The following MCEE variants were observed in gnomAD, a reference collection of about 807,000 sequenced individuals.
The protein encoded by MCEE is methylmalonyl-CoA epimerase.
In MCEE, 6 loss-of-function variants were observed where a neutral mutation model predicts 12.9. The observed-to-expected ratio is 0.47, with a 90% CI of 0.26 to 0.92. MCEE has a LOEUF of 0.92. MCEE is among the 40% of genes least tolerant of loss of function. The pLI, the probability that MCEE is intolerant of heterozygous loss-of-function variation, is 0.16. For synonymous variants in MCEE, 78 were observed against 77.9 expected, an observed-to-expected ratio of 1.00 and a Z score of -0.01; for missense variants, 214 against 212.1, an observed-to-expected ratio of 1.01 and a Z score of -0.05.
chr2:71,123,387 A>G (rs1238788659), intron 2 of MCEE, among the ~76,000 whole-genome samples: 4 of 151,662 alleles, frequency 2.6e-5, no homozygotes, highest in Non-Finnish European at 4.4e-5. Context: ...GCTACCTGGT[A>G]GGCTGAGGCA....
intron 2 of MCEE, among the ~76,000 whole-genome samples, chr2:71,114,843 T>C (rs1672958984): frequency 6.6e-6 from 1 of 152,182 alleles, no homozygotes; most frequent in Non-Finnish European, 1.5e-5. Flanking sequence ...TTGAAAACTG[T>C]TGAACCTGGG....
chr2:71,128,302 C>T (rs1673282028), intron 1 of MCEE, among the ~76,000 whole-genome samples: 1 of 152,036 alleles, frequency 6.6e-6, no homozygotes, highest in African/African-American at 2.4e-5. Flanking sequence ...TTTTATGTTC[C>T]TTAAAAGAGG....
chr2:71,124,305 A>G lies in MCEE; in HGVS notation c.279T>C (p.Asn93=). 6.2e-7 allele frequency: 1 copy of G among 1,614,180 alleles called. No homozygotes were observed. The highest frequency in any genetic ancestry group is 8.5e-7 in the Non-Finnish European group (1 of 1,180,006). Reference sequence around the variant, plus strand: ...ATGGATGAAGCAGTTCCATCTTGGTATTTCCCAGGTTGACAAAAACAACAG... The same window carrying G: ...ATGGATGAAGCAGTTCCATCTTGGTGTTTCCCAGGTTGACAAAAACAACAG... ...GVSVVFVNLG[N]TKMELLHPLG... Residue 93 remains asparagine, a synonymous_variant, in exon 2 of 3, where the codon AAT becomes AAC. Transcript: ENST00000244217.
chr2:71,124,420 A>G lies in MCEE; in HGVS notation c.164T>C (p.Val55Ala), dbSNP rs374147386. The G allele has an allele frequency of 8.1e-5, 130 of 1,614,070 alleles. No individual in the cohort carries two copies. The highest frequency in any genetic ancestry group is 1.8e-5 in the Non-Finnish European group (21 of 1,180,040). ...TGCTGCAGCCTTTTCCAAATCTGGC[A>G]CTGCTATGGCTACATGGTTGAGTCG... ...LGRLNHVAIAVPDLEKAAAFY... is the reference protein window; with the variant it reads ...LGRLNHVAIAAPDLEKAAAFY... The change falls in exon 2 of 3, where the codon GTG becomes GCG. Residue 55 changes from valine (V) to alanine (A), a missense_variant. Coordinates refer to ENST00000244217, the MANE Select transcript of MCEE (RefSeq NM_032601.4).
At chr2:71,126,484 C>T (rs1199668486) in intron 1 of MCEE, among the ~76,000 whole-genome samples, 1 of 149,544 alleles carries the variant, frequency 6.7e-6, no homozygotes, top group Non-Finnish European at 1.5e-5. Flanking sequence ...CCTCGGCCTC[C>T]CAAAGTGCCG....
chr2:71,125,212 T>TATATATATATATATA (rs1553440375), intron 1 of MCEE, among the ~76,000 whole-genome samples: 14 of 33,592 alleles, frequency 4.2e-4, no homozygotes, highest in South Asian at 1.1e-3. Flanking sequence ...TATATATATA[T>TATATATATATATATA]TTTTTTTTTT....
chr2:71,118,078 C>T (rs566036990), intron 2 of MCEE, among the ~76,000 whole-genome samples: 5 of 150,200 alleles, frequency 3.3e-5, no homozygotes, highest in Admixed American at 6.6e-5. Context: ...ACATCCCGCC[C>T]GGAAGCGTCC....
At chr2:71,121,524 A>G (rs958745888) in intron 2 of MCEE, among the ~76,000 whole-genome samples, 31 of 152,122 alleles carry the variant, frequency 2.0e-4, no homozygotes, top group Non-Finnish European at 4.6e-4. Context: ...CCTCTTACCT[A>G]CCTTCATTTT....
At chr2:71,112,290 C>T (rs929767050) in intron 2 of MCEE, among the ~76,000 whole-genome samples, 6 of 151,984 alleles carry the variant, frequency 3.9e-5, no homozygotes, top group Admixed American at 6.6e-5. Flanking sequence ...GCACACGCCA[C>T]CATGCCCAGC....
Position 71,109,876 on chromosome 2 carries a change from A to G in MCEE, c.*94T>C, listed in dbSNP as rs1184075318. ...GTCTTTAACTGTGAACTTTTACATG[A>G]TGGAAGCAGTGAAGGACTCAATGTC... On this transcript the variant is annotated 3_prime_UTR_variant, in exon 3 of 3. Transcript: ENST00000244217. 16 of 1,212,714 alleles carry G rather than the reference A, an allele frequency of 1.3e-5. No homozygotes were observed. Among genetic ancestry groups the G allele is most frequent in the Non-Finnish European group, 1.9e-5 (16 of 833,792 alleles). The allele number at this position is 1,212,714 out of a possible 1,614,324, so 75.1% of individuals were successfully genotyped here.
intron 2 of MCEE, among the ~76,000 whole-genome samples, chr2:71,120,545 G>T (rs2103630797): frequency 6.6e-6 from 1 of 150,442 alleles, no homozygotes; most frequent in Middle Eastern, 3.4e-3. Flanking sequence ...ACAGAAAAAT[G>T]CTAATTAACT....
chr2:71,116,309 T>C (rs1672991754), intron 2 of MCEE, among the ~76,000 whole-genome samples: 1 of 150,220 alleles, frequency 6.7e-6, no homozygotes, highest in Non-Finnish European at 1.5e-5. Context: ...CCTGACCTCG[T>C]GATCCACCCG....
chr2:71,113,795 G>T (rs6546675), intron 2 of MCEE, among the ~76,000 whole-genome samples: 4 of 152,008 alleles, frequency 2.6e-5, no homozygotes, highest in South Asian at 4.1e-4. Context: ...ATAGTATGGA[G>T]GAGAAAAAAA....
Position 71,124,431 on chromosome 2 carries a change from T to A in MCEE, c.153A>T (p.Val51=). ...TTTCCAAATCTGGCACTGCTATGGCTACATGGTTGAGTCGACCCAGGTTCC... is the reference window on the plus strand; with the variant it reads ...TTTCCAAATCTGGCACTGCTATGGCAACATGGTTGAGTCGACCCAGGTTCC... ...SVWNLGRLNH[V]AIAVPDLEKA... The change falls in exon 2 of 3, where the codon GTA becomes GTT. Residue 51 remains valine (V), a synonymous_variant. Coordinates refer to ENST00000244217, the MANE Select transcript of MCEE (RefSeq NM_032601.4). 1 of 1,614,190 alleles carries A rather than the reference T, an allele frequency of 6.2e-7. No individual in the cohort carries two copies. The highest frequency in any genetic ancestry group is 8.5e-7 in the Non-Finnish European group (1 of 1,180,024).
At chr2:71,115,927 C>A (rs1237251133) in intron 2 of MCEE, among the ~76,000 whole-genome samples, 1 of 148,838 alleles carries the variant, frequency 6.7e-6, no homozygotes, top group East Asian at 1.9e-4. Flanking sequence ...CAAACCTGCA[C>A]GTTCTGCACA....
intron 2 of MCEE, among the ~76,000 whole-genome samples, chr2:71,114,492 ATGTAT>A (rs1417898477): frequency 6.6e-6 from 1 of 152,240 alleles, no homozygotes; most frequent in Non-Finnish European, 1.5e-5. Flanking sequence ...ATTGTGATAA[ATGTAT>A]CAAACTATTA....
intron 2 of MCEE, chr2:71,110,974 C>T (rs1012601835): frequency 1.3e-5 from 2 of 152,062 alleles, no homozygotes; most frequent in African/African-American, 4.8e-5. Flanking sequence ...AGCACAGAGA[C>T]TAGTTTAACA....
chr2:71,113,113 G>A (rs1202793378), intron 2 of MCEE, among the ~76,000 whole-genome samples: 1 of 152,180 alleles, frequency 6.6e-6, no homozygotes, highest in Non-Finnish European at 1.5e-5. Context: ...GAACAACGAA[G>A]TAGATGGATG....
At chr2:71,114,808 A>G (rs1672958431) in intron 2 of MCEE, among the ~76,000 whole-genome samples, 1 of 152,222 alleles carries the variant, frequency 6.6e-6, no homozygotes, top group African/African-American at 2.4e-5. Flanking sequence ...GGAAAAAAGA[A>G]AAAAAGATGA....
Sources: allele counts gnomAD v4.1 joint callset (sites outside exome capture counted in the v4.1 genomes callset), GRCh38; gene constraint gnomAD v4.1.1; transcripts MANE v1.5; gene names NCBI Gene and HGNC (gene_info 2026-07-23, HGNC 2026-07-21).